CNBD1: variants seen among roughly 807,000 people sequenced by gnomAD.
The protein encoded by CNBD1 is cyclic nucleotide binding domain containing 1.
CNBD1 carries 71 observed loss-of-function variants against 54.4 expected under a neutral mutation model. The observed-to-expected ratio is 1.30, with a 90% confidence interval of 1.08 to 1.59. The LOEUF (loss-of-function observed/expected upper bound fraction) is 1.59. CNBD1 is among the 40% of genes most tolerant of loss of function. The pLI is 0.00. For synonymous variants in CNBD1, 182 were observed against 170.7 expected (o/e 1.07, Z -0.51); for missense variants, 659 against 518.0 (o/e 1.27, Z -2.64).
chr8:87,045,744 A>AAAG lies in CNBD1; in HGVS notation c.431+105990_431+105991insAAG, dbSNP rs1554549758. On this transcript the variant is annotated intron_variant, in intron 4 of 10. Coordinates refer to ENST00000518476, the MANE Select transcript of CNBD1 (RefSeq NM_173538.3). ...CGTCTCAAAAAAAAAAAAAAAAAAA[A>AAAG]CAGTACACATGTGCCGGCCAGGCAT... 1.2e-4 allele frequency among the ~76,000 whole-genome samples: 17 copies of AAAG among 146,670 alleles called. 1 individual carries two copies. The highest frequency in any genetic ancestry group is 3.6e-4 in the African/African-American group (14 of 39,008).
At chr8:87,181,291 T>C (rs940855671) in intron 4 of CNBD1, among the ~76,000 whole-genome samples, 1 of 152,198 alleles carries the variant, frequency 6.6e-6, no homozygotes, top group Non-Finnish European at 1.5e-5. Flanking sequence ...ATTTGACATG[T>C]GTACACATCT....
At chr8:86,919,081 G>T (rs1809232636) in intron 3 of CNBD1, among the ~76,000 whole-genome samples, 1 of 151,332 alleles carries the variant, frequency 6.6e-6, no homozygotes, top group Non-Finnish European at 1.5e-5. Context: ...CTATAAAAAT[G>T]AAATGTCATG....
chr8:86,960,577 A>G (rs1304881908), intron 4 of CNBD1, among the ~76,000 whole-genome samples: 1 of 152,238 alleles, frequency 6.6e-6, no homozygotes, highest in Non-Finnish European at 1.5e-5. Context: ...GCTGAACAAA[A>G]GACAGCAGAA....
intron 8 of CNBD1, among the ~76,000 whole-genome samples, chr8:87,343,155 C>G (rs924810464): frequency 2.0e-5 from 3 of 152,212 alleles, no homozygotes; most frequent in Admixed American, 2.0e-4. Flanking sequence ...TCTGCCCAAC[C>G]ACGCAGGCAG....
chr8:86,895,918 G>A (rs1276712314), intron 2 of CNBD1, among the ~76,000 whole-genome samples: 2 of 152,194 alleles, frequency 1.3e-5, no homozygotes, highest in South Asian at 2.1e-4. Context: ...TTGGAGAAAT[G>A]TTTATTCATG....
At chr8:87,378,386 C>T (rs1276571727) in intron 10 of CNBD1, among the ~76,000 whole-genome samples, 1 of 149,880 alleles carries the variant, frequency 6.7e-6, no homozygotes, top group Non-Finnish European at 1.5e-5. Flanking sequence ...AGCCAGTTTT[C>T]CCAGCACCAT....
intron 10 of CNBD1, among the ~76,000 whole-genome samples, chr8:87,371,767 G>T (rs538324563): frequency 1.3e-5 from 2 of 151,864 alleles, no homozygotes; most frequent in East Asian, 3.9e-4. Context: ...TGCAGAAAAG[G>T]CCTTTGACAA....
chr8:87,173,754 C>A (rs1483158124), intron 4 of CNBD1, among the ~76,000 whole-genome samples: 2 of 150,588 alleles, frequency 1.3e-5, no homozygotes, highest in Middle Eastern at 3.4e-3. Context: ...TCAGTAAAAT[C>A]TGCTTGGTGT....
chr8:87,132,509 T>A (rs967434857), intron 4 of CNBD1, among the ~76,000 whole-genome samples: 8 of 150,670 alleles, frequency 5.3e-5, no homozygotes, highest in Non-Finnish European at 8.9e-5. Context: ...ATTTTTTTTA[T>A]TTACCCTGTA....
chr8:87,045,083 TTG>T (rs1810153074), intron 4 of CNBD1, among the ~76,000 whole-genome samples: 1 of 152,184 alleles, frequency 6.6e-6, no homozygotes, highest in South Asian at 2.1e-4. Flanking sequence ...GAGAGGGGTG[TTG>T]TGTCGAGAAC....
chr8:87,046,958 TG>T (rs1489638473), intron 4 of CNBD1, among the ~76,000 whole-genome samples: 1 of 152,216 alleles, frequency 6.6e-6, no homozygotes, highest in Non-Finnish European at 1.5e-5. Flanking sequence ...GCTATTCTGA[TG>T]TAATACTGGT....
intron 8 of CNBD1, among the ~76,000 whole-genome samples, chr8:87,303,582 G>A (rs577935717): frequency 5.4e-4 from 82 of 152,222 alleles, no homozygotes; most frequent in African/African-American, 1.8e-3. Flanking sequence ...CATGGGCAAG[G>A]TCTTCATGTC....
At chr8:87,168,718 A>G (rs1813023144) in intron 4 of CNBD1, among the ~76,000 whole-genome samples, 1 of 152,058 alleles carries the variant, frequency 6.6e-6, no homozygotes, top group South Asian at 2.1e-4. Context: ...TTCACTTAAC[A>G]TAATGACCTC....
chr8:87,388,801 A>G (rs1811247154), intron 2 of CNBD1, among the ~76,000 whole-genome samples: 1 of 152,190 alleles, frequency 6.6e-6, no homozygotes, highest in Non-Finnish European at 1.5e-5. Context: ...ACAACAAAAA[A>G]AGACAATTTT....
intron 3 of CNBD1, among the ~76,000 whole-genome samples, chr8:86,939,094 A>G (rs1025246627): frequency 1.3e-5 from 2 of 152,166 alleles, no homozygotes; most frequent in Non-Finnish European, 2.9e-5. Flanking sequence ...ATTTATTTGT[A>G]CATCTCTTAG....
chr8:87,063,983 A>G (rs187181062), intron 4 of CNBD1, among the ~76,000 whole-genome samples: 1 of 152,162 alleles, frequency 6.6e-6, no homozygotes, highest in East Asian at 1.9e-4. Context: ...CACTTGTTAA[A>G]TCAAAAATTT....
At chr8:87,330,081 T>A (rs753463226) in intron 8 of CNBD1, among the ~76,000 whole-genome samples, 2 of 151,968 alleles carry the variant, frequency 1.3e-5, no homozygotes, top group Non-Finnish European at 2.9e-5. Flanking sequence ...GTTTTTAATC[T>A]AGGCTTTTAA....
chr8:87,268,312 C>T (rs532446413), intron 6 of CNBD1, among the ~76,000 whole-genome samples: 1 of 152,104 alleles, frequency 6.6e-6, no homozygotes, highest in Non-Finnish European at 1.5e-5. Context: ...TGTGTTAGTT[C>T]ATGGTGTATA....
At chr8:86,965,218 A>G (rs940419260) in intron 4 of CNBD1, among the ~76,000 whole-genome samples, 1 of 152,208 alleles carries the variant, frequency 6.6e-6, no homozygotes, top group Non-Finnish European at 1.5e-5. Flanking sequence ...CCATGACAGC[A>G]TGAGAAAAAA....
Sources: allele counts gnomAD v4.1 joint callset (sites outside exome capture counted in the v4.1 genomes callset), GRCh38; gene constraint gnomAD v4.1.1; transcripts MANE v1.5; gene names NCBI Gene and HGNC (gene_info 2026-07-23, HGNC 2026-07-21).